Variants in AP4S1 observed in about 807,000 individuals in gnomAD.
AP4S1 encodes the protein adaptor related protein complex 4 subunit sigma 1.
A neutral mutation model predicts 19.8 loss-of-function variants in AP4S1; 23 were observed. The ratio of observed to expected loss-of-function variants is 1.16; its 90% CI spans 0.84 to 1.65. The LOEUF is 1.65. Among genes scored for constraint, AP4S1 ranks in the 40% most tolerant of loss-of-function variants. The pLI is 0.00. For missense variants in AP4S1, 166 were observed against 172.8 expected (o/e 0.96, Z 0.22); for synonymous variants, 46 against 54.1 (o/e 0.85, Z 0.66).
rs1888118436 is a variant in AP4S1 at position 31,093,046 on chromosome 14, C to G, written c.*11C>G. On this transcript the variant is annotated 3_prime_UTR_variant, in exon 6 of 6. Transcript: ENST00000542754. ...ATGTCAGAAAGCTGAAAGGAAGTCT[C>G]TTCGAGACAATATGGATTTATCAGA... The G allele has an allele frequency of 6.5e-7, 1 of 1,547,092 alleles. No individual in the cohort carries two copies. Among genetic ancestry groups the G allele is most frequent in the South Asian group, 1.2e-5 (1 of 83,178 alleles).
chr14:31,055,173 C>G (rs1886039452), intron 1 of AP4S1, among the ~76,000 whole-genome samples: 1 of 151,382 alleles, frequency 6.6e-6, no homozygotes, highest in South Asian at 2.1e-4. Context: ...TATACTGGGC[C>G]ACAATGTAAA....
At chr14:31,070,310 A>G (rs1886933604) in intron 3 of AP4S1, among the ~76,000 whole-genome samples, 1 of 152,190 alleles carries the variant, frequency 6.6e-6, no homozygotes, top group Admixed American at 6.5e-5. Context: ...GCACAGTCAT[A>G]GCTCACTGCA....
chr14:31,055,489 T>C (rs1259770911), intron 1 of AP4S1, among the ~76,000 whole-genome samples: 1 of 152,162 alleles, frequency 6.6e-6, no homozygotes, highest in East Asian at 1.9e-4. Context: ...ACTGTTACTG[T>C]GGCCATTGTA....
chr14:31,049,428 A>AAAAATATATATATATAT (rs1384450221), intron 1 of AP4S1, among the ~76,000 whole-genome samples: 3 of 57,740 alleles, frequency 5.2e-5, no homozygotes, highest in African/African-American at 7.9e-5. Context: ...AAAAAAAAAA[A>AAAAATATATATATATAT]ATATATATAT....
chr14:31,052,416 A>T (rs113991931), intron 1 of AP4S1, among the ~76,000 whole-genome samples: 1,959 of 152,188 alleles, frequency 0.013, 23 homozygotes, highest in Non-Finnish European at 0.02. Context: ...TAAGACTGGG[A>T]TGCTTGAGTT....
At chr14:31,045,167 G>T (rs577269984) in intron 1 of AP4S1, among the ~76,000 whole-genome samples, 290 of 152,292 alleles carry the variant, frequency 1.9e-3, no homozygotes, top group African/African-American at 6.5e-3. Context: ...CTCCCAAAGC[G>T]CTGGGATTGC....
Position 31,096,435 on chromosome 14 carries a change from T to TAA in AP4S1, c.*3401_*3402dup, listed in dbSNP as rs1888205358. ...GAAAATTCCAGAAATAAACAATGTA[T>TAA]AAGTTTTAAACTGCATGCCATTCTG... On this transcript the variant is annotated 3_prime_UTR_variant, in exon 6 of 6. Coordinates refer to ENST00000542754, the MANE Select transcript of AP4S1 (RefSeq NM_001128126.3). The TAA allele has an allele frequency of 6.6e-6, 1 of 152,292 alleles. No homozygotes were observed. The highest frequency in any genetic ancestry group is 6.5e-5 in the Admixed American group (1 of 15,288). The allele number at this position is 152,292 out of a possible 1,614,324, so 9.4% of individuals were successfully genotyped here.
intron 1 of AP4S1, 101 bp downstream of exon 1, chr14:31,025,888 G>A (rs1376740412): frequency 6.3e-7 from 1 of 1,594,638 alleles, no homozygotes; most frequent in South Asian, 1.1e-5. Flanking sequence ...CCCGCACACC[G>A]ACCCCAACGA....
intron 1 of AP4S1, among the ~76,000 whole-genome samples, chr14:31,065,840 T>G (rs1340769813): frequency 2.0e-5 from 3 of 152,084 alleles, no homozygotes; most frequent in Non-Finnish European, 4.4e-5. Flanking sequence ...TTTTGTATTT[T>G]TAGTAGAGAC....
At chr14:31,074,324 CAAAT>C (rs138770796) in intron 4 of AP4S1, among the ~76,000 whole-genome samples, 54,906 of 138,664 alleles carry the variant, frequency 0.4, 11,106 homozygotes, top group Admixed American at 0.52. Flanking sequence ...GACTCCGTCT[CAAAT>C]AAATAAATAA....
At chr14:31,042,056 T>C (rs1885140803) in intron 1 of AP4S1, among the ~76,000 whole-genome samples, 1 of 152,078 alleles carries the variant, frequency 6.6e-6, no homozygotes, top group South Asian at 2.1e-4. Flanking sequence ...GTCTCGAACT[T>C]CTGACCTCAG....
intron 1 of AP4S1, among the ~76,000 whole-genome samples, chr14:31,065,758 T>C (rs933354880): frequency 6.6e-6 from 1 of 152,212 alleles, no homozygotes; most frequent in Non-Finnish European, 1.5e-5. Flanking sequence ...CCTCCGGGGT[T>C]CACACCATTC....
chr14:31,044,013 A>G (rs1268890812), intron 1 of AP4S1, among the ~76,000 whole-genome samples: 1 of 152,208 alleles, frequency 6.6e-6, no homozygotes, highest in African/African-American at 2.4e-5. Flanking sequence ...ACAGTAGCTT[A>G]ATTGTTTAGG....
chr14:31,064,380 G>A (rs1235644489), intron 1 of AP4S1, among the ~76,000 whole-genome samples: 4 of 152,036 alleles, frequency 2.6e-5, no homozygotes, highest in African/African-American at 9.7e-5. Context: ...GGAGTACAGT[G>A]GCACCATTTC....
intron 1 of AP4S1, among the ~76,000 whole-genome samples, chr14:31,055,946 C>T (rs771974239): frequency 1.3e-5 from 2 of 151,104 alleles, no homozygotes; most frequent in African/African-American, 2.4e-5. Context: ...TGGGTTCAAG[C>T]GATTCCCCTG....
At chr14:31,046,520 A>C (rs1340182556) in intron 1 of AP4S1, among the ~76,000 whole-genome samples, 1 of 152,076 alleles carries the variant, frequency 6.6e-6, no homozygotes, top group Non-Finnish European at 1.5e-5. Flanking sequence ...AGCTGATAGA[A>C]ATGTTTTCAT....
intron 1 of AP4S1, among the ~76,000 whole-genome samples, chr14:31,050,258 G>C (rs1240919992): frequency 6.6e-6 from 1 of 152,102 alleles, no homozygotes; most frequent in Non-Finnish European, 1.5e-5. Context: ...GTTTCACCAT[G>C]TTAGCCAGGC....
At chr14:31,086,966 C>T (rs910205270) in intron 5 of AP4S1, among the ~76,000 whole-genome samples, 13 of 151,998 alleles carry the variant, frequency 8.6e-5, no homozygotes, top group Admixed American at 5.9e-4. Flanking sequence ...TCAAGCAATC[C>T]TTCCACCTCA....
chr14:31,030,072 C>T (rs1884299155), intron 1 of AP4S1, among the ~76,000 whole-genome samples: 1 of 151,984 alleles, frequency 6.6e-6, no homozygotes, highest in Non-Finnish European at 1.5e-5. Context: ...CTTCAGCCTC[C>T]CCAGCTCAAG....
Sources: gnomAD v4.1 joint callset for allele counts (sites outside exome capture counted in the v4.1 genomes callset) on GRCh38, gnomAD v4.1.1 for gene constraint, MANE v1.5 for transcripts, NCBI Gene and HGNC (gene_info 2026-07-23, HGNC 2026-07-21) for gene names.